The following AFG2A variants were observed in gnomAD, a reference collection of about 807,000 sequenced individuals.
The protein encoded by AFG2A is ATPase family gene 2 protein homolog A.
chr4:123,179,970 C>T, the AFG2A span, among the ~76,000 whole-genome samples: 5 of 152,162 alleles, frequency 3.3e-5, no homozygotes, highest in South Asian at 2.1e-4. Flanking sequence ...CTGTAATCCC[C>T]GCACTTTAGG....
chr4:123,150,276 G>A, the AFG2A span, among the ~76,000 whole-genome samples: 2 of 152,172 alleles, frequency 1.3e-5, no homozygotes, highest in Non-Finnish European at 2.9e-5. Context: ...TCTGGCCAGG[G>A]CAATCAGGCA....
chr4:123,074,095 A>ATTTTTTTTTTTTTTT, the AFG2A span, among the ~76,000 whole-genome samples: 4 of 102,054 alleles, frequency 3.9e-5, no homozygotes, highest in Admixed American at 1.3e-4. Context: ...CTCAGATAGT[A>ATTTTTTTTTTTTTTT]TTTTTTTTTT....
the AFG2A span, among the ~76,000 whole-genome samples, chr4:123,082,794 C>CA: frequency 6.6e-6 from 1 of 151,984 alleles, no homozygotes; most frequent in Non-Finnish European, 1.5e-5. Context: ...TCTTCCTTTC[C>CA]ATGAGTGTGG....
chr4:122,986,850 G>T, the AFG2A span, among the ~76,000 whole-genome samples: 6 of 152,126 alleles, frequency 3.9e-5, no homozygotes, highest in African/African-American at 7.2e-5. Context: ...AGTCTATAGT[G>T]CTCTTCAAGT....
chr4:123,079,559 A>C, the AFG2A span, among the ~76,000 whole-genome samples: 1 of 152,078 alleles, frequency 6.6e-6, no homozygotes, highest in African/African-American at 2.4e-5. Flanking sequence ...GTAGGGCACA[A>C]AAATTAGAAG....
chr4:122,965,662 T>C, the AFG2A span, among the ~76,000 whole-genome samples: 1 of 152,230 alleles, frequency 6.6e-6, no homozygotes. Context: ...CTTCTGCATT[T>C]GCTTACATTT....
chr4:123,074,671 A>C, the AFG2A span, among the ~76,000 whole-genome samples: 4 of 151,986 alleles, frequency 2.6e-5, no homozygotes, highest in African/African-American at 9.7e-5. Flanking sequence ...GCTGTAGTTC[A>C]TGTGGATTTT....
chr4:123,194,002 T>C, the AFG2A span, among the ~76,000 whole-genome samples: 2 of 152,184 alleles, frequency 1.3e-5, no homozygotes, highest in African/African-American at 4.8e-5. Flanking sequence ...AGGAAAGGTA[T>C]TGTGTAATAA....
chr4:123,056,251 A>AAATAAGCATGCTAAAGGGATT, the AFG2A span: 1 of 753,420 alleles, frequency 1.3e-6, no homozygotes, highest in Non-Finnish European at 2.0e-6. Flanking sequence ...CAAACAGAGA[A>AAATAAGCATGCTAAAGGGATT]AATAAGCATG....
the AFG2A span, among the ~76,000 whole-genome samples, chr4:123,295,021 T>G: frequency 6.6e-6 from 1 of 152,208 alleles, no homozygotes; most frequent in Non-Finnish European, 1.5e-5. Flanking sequence ...GATTGCTGCT[T>G]CTGACACTTT....
the AFG2A span, among the ~76,000 whole-genome samples, chr4:122,944,749 T>C: frequency 2.6e-5 from 4 of 152,264 alleles, no homozygotes; most frequent in South Asian, 8.3e-4. Flanking sequence ...GCTCTGTTTT[T>C]TCCCCATCTT....
At chr4:123,140,500 T>TG in the AFG2A span, among the ~76,000 whole-genome samples, 1 of 145,342 alleles carries the variant, frequency 6.9e-6, no homozygotes, top group Non-Finnish European at 1.5e-5. Context: ...GGATAAGGTT[T>TG]TTTTTTTTTT....
chr4:123,094,018 T>C, the AFG2A span, among the ~76,000 whole-genome samples: 1 of 152,194 alleles, frequency 6.6e-6, no homozygotes, highest in Non-Finnish European at 1.5e-5. Flanking sequence ...CTTCCTCTTA[T>C]GCCTGCAGCG....
At chr4:123,243,997 G>C in the AFG2A span, among the ~76,000 whole-genome samples, 5 of 151,994 alleles carry the variant, frequency 3.3e-5, no homozygotes. Context: ...AGTCCAGCAT[G>C]GGCAACAGAG....
At chr4:123,114,916 T>C in the AFG2A span, among the ~76,000 whole-genome samples, 7 of 152,316 alleles carry the variant, frequency 4.6e-5, no homozygotes, top group East Asian at 1.4e-3. Flanking sequence ...GGCCAGGTGC[T>C]TGTGGGCTTT....
the AFG2A span, among the ~76,000 whole-genome samples, chr4:123,180,978 C>CTTTTTTTTTTTTTT: frequency 1.7e-5 from 2 of 118,366 alleles, no homozygotes; most frequent in African/African-American, 3.0e-5. Flanking sequence ...TCCTCCCCCT[C>CTTTTTTTTTTTTTT]TTTTTTTTTT....
At chr4:123,189,454 C>CT in the AFG2A span, among the ~76,000 whole-genome samples, 3 of 151,878 alleles carry the variant, frequency 2.0e-5, no homozygotes, top group African/African-American at 4.8e-5. Context: ...TTTTTCTTTT[C>CT]TTTTTTTTAA....
chr4:123,310,640 A>G, the AFG2A span, among the ~76,000 whole-genome samples: 8 of 152,344 alleles, frequency 5.3e-5, no homozygotes, highest in East Asian at 5.8e-4. Context: ...GACAGGTGCT[A>G]TATCTTAGAC....
At chr4:123,272,372 T>C in the AFG2A span, among the ~76,000 whole-genome samples, 2 of 152,182 alleles carry the variant, frequency 1.3e-5, no homozygotes, top group African/African-American at 4.8e-5. Flanking sequence ...CATGAACATA[T>C]AAAGTTCCCC....
Sources: gnomAD v4.1 joint callset for allele counts (sites outside exome capture counted in the v4.1 genomes callset) on GRCh38, gnomAD v4.1.1 for gene constraint, MANE v1.5 for transcripts, NCBI Gene and HGNC (gene_info 2026-07-23, HGNC 2026-07-21) for gene names.